Variants in CADPS observed in about 807,000 individuals in gnomAD.
CADPS encodes the protein calcium-dependent secretion activator 1.
A neutral mutation model predicts 167.3 loss-of-function variants in CADPS; 57 were observed. The observed-to-expected ratio is 0.34, with a 90% CI of 0.28 to 0.42. The LOEUF is 0.42. Among genes scored for constraint, CADPS ranks in the 20% least tolerant of loss-of-function variants. CADPS has a pLI of 1.00. For missense variants in CADPS, 1,414 were observed against 1,738.1 expected (o/e 0.81, Z 3.32); for synonymous variants, 676 against 635.3 (o/e 1.06, Z -0.96).
chr3:62,468,481 C>T (rs1004203582), intron 24 of CADPS, among the ~76,000 whole-genome samples: 5 of 152,160 alleles, frequency 3.3e-5, no homozygotes, highest in African/African-American at 1.2e-4. Context: ...GTTCTCCACA[C>T]ACCAACAAAG....
intron 9 of CADPS, among the ~76,000 whole-genome samples, chr3:62,558,470 G>A (rs1041922041): frequency 1.3e-5 from 2 of 152,206 alleles, no homozygotes; most frequent in Non-Finnish European, 2.9e-5. Context: ...TACTATCCAC[G>A]GATGTCAAAT....
chr3:62,845,200 G>A (rs1200063750), intron 1 of CADPS, among the ~76,000 whole-genome samples: 2 of 152,134 alleles, frequency 1.3e-5, no homozygotes, highest in Non-Finnish European at 1.5e-5. Context: ...CAGATTTTCA[G>A]GCTCTGTCAG....
intron 1 of CADPS, among the ~76,000 whole-genome samples, chr3:62,787,114 C>T (rs1002626477): frequency 2.0e-5 from 3 of 151,780 alleles, no homozygotes; most frequent in Admixed American, 1.3e-4. Flanking sequence ...AGCAATATGG[C>T]GAAAACCTGT....
intron 4 of CADPS, among the ~76,000 whole-genome samples, chr3:62,657,613 T>TA (rs1473990334): frequency 1.3e-5 from 2 of 152,160 alleles, no homozygotes; most frequent in Admixed American, 6.5e-5. Context: ...TACCAGATTT[T>TA]AAAAAATGCA....
At chr3:62,820,694 T>C (rs2094862912) in intron 1 of CADPS, among the ~76,000 whole-genome samples, 1 of 152,172 alleles carries the variant, frequency 6.6e-6, no homozygotes, top group Non-Finnish European at 1.5e-5. Flanking sequence ...ACTTTTCAGC[T>C]TCAAGGCATT....
chr3:62,712,315 C>A (rs550989500), intron 3 of CADPS, among the ~76,000 whole-genome samples: 1 of 152,274 alleles, frequency 6.6e-6, no homozygotes, highest in Admixed American at 6.5e-5. Flanking sequence ...CTATTCCCCC[C>A]AGCAAGGTGT....
Position 62,478,061 on chromosome 3 carries a change from A to T in CADPS, c.3329+200T>A, listed in dbSNP as rs570206861. ...CCATGAAAAAATTGGCAGCCAGATT[A>T]TTTTGGGTTTGGGACAGATGGAGGG... On this transcript the variant is annotated intron_variant, in intron 23 of 29. Transcript: ENST00000383710. This position sits in a 1 kb window ranked among gnomAD's most constrained non-coding sequence, Gnocchi z 5.7. 2.5e-4 allele frequency: 139 copies of T among 545,702 alleles called. No homozygotes were observed. Among genetic ancestry groups the T allele is most frequent in the African/African-American group, 2.4e-3 (131 of 53,572 alleles). 33.8% of individuals were successfully genotyped at this position (545,702 alleles called of 1,614,324 possible). A position where few individuals can be genotyped will look rare whatever the true frequency, so the allele number is the denominator to read the frequency against.
chr3:62,741,573 T>A (rs781329421), intron 3 of CADPS, among the ~76,000 whole-genome samples: 16 of 152,054 alleles, frequency 1.1e-4, no homozygotes, highest in Non-Finnish European at 2.1e-4. Context: ...AAATCCAACA[T>A]CCATTCATGT....
intron 4 of CADPS, among the ~76,000 whole-genome samples, chr3:62,659,116 T>C (rs2072504115): frequency 6.6e-6 from 1 of 152,114 alleles, no homozygotes; most frequent in Admixed American, 6.5e-5. Flanking sequence ...ACGGAGTGAG[T>C]TACATATGAT....
chr3:62,573,201 C>A (rs1045136049), intron 8 of CADPS, among the ~76,000 whole-genome samples: 2 of 152,164 alleles, frequency 1.3e-5, no homozygotes, highest in Admixed American at 6.6e-5. Flanking sequence ...TACATTAAAT[C>A]TTCCCTAGAG....
At chr3:62,542,176 G>A (rs1027124055) in intron 11 of CADPS, among the ~76,000 whole-genome samples, 1 of 152,120 alleles carries the variant, frequency 6.6e-6, no homozygotes, top group Non-Finnish European at 1.5e-5. Context: ...ATAAGCTAGA[G>A]GTAGCTGTTT....
chr3:62,540,789 G>A (rs1483091108), intron 11 of CADPS, among the ~76,000 whole-genome samples: 1 of 152,100 alleles, frequency 6.6e-6, no homozygotes, highest in Non-Finnish European at 1.5e-5. Flanking sequence ...GTCCCGGTCT[G>A]TTCTTCCACA....
At chr3:62,782,263 C>G (rs888426148) in intron 1 of CADPS, among the ~76,000 whole-genome samples, 1 of 152,146 alleles carries the variant, frequency 6.6e-6, no homozygotes, top group Non-Finnish European at 1.5e-5. Context: ...ACTTACTGTT[C>G]AAATTTCAGA....
At chr3:62,831,848 A>G (rs1014813056) in intron 1 of CADPS, among the ~76,000 whole-genome samples, 1 of 152,194 alleles carries the variant, frequency 6.6e-6, no homozygotes, top group Non-Finnish European at 1.5e-5. Flanking sequence ...ATTAAACCGT[A>G]GTACCACACC....
intron 1 of CADPS, among the ~76,000 whole-genome samples, chr3:62,810,835 C>T (rs1033922257): frequency 4.6e-5 from 7 of 152,224 alleles, no homozygotes; most frequent in Non-Finnish European, 8.8e-5. Flanking sequence ...ATTGTGAGGG[C>T]GCAGGGCTCT....
intron 1 of CADPS, among the ~76,000 whole-genome samples, chr3:62,842,801 A>T (rs1242618399): frequency 6.6e-6 from 1 of 152,200 alleles, no homozygotes; most frequent in Non-Finnish European, 1.5e-5. Flanking sequence ...CTCTCTAGAC[A>T]TGCTGAATGA....
At chr3:62,592,184 A>G (rs1359960737) in intron 7 of CADPS, among the ~76,000 whole-genome samples, 1 of 151,944 alleles carries the variant, frequency 6.6e-6, no homozygotes, top group Non-Finnish European at 1.5e-5. Flanking sequence ...CAAGCAAAGC[A>G]CTCCTCTATT....
At chr3:62,685,009 T>G (rs2077753971) in intron 3 of CADPS, among the ~76,000 whole-genome samples, 1 of 146,896 alleles carries the variant, frequency 6.8e-6, no homozygotes, top group Admixed American at 7.1e-5. Context: ...TCCCTGAACT[T>G]ATAGCTCACA....
At position 62,837,209 on chromosome 3, in the gene CADPS, C is replaced by T. The variant is rs55817423; in HGVS notation, c.441+37380G>A. The stretch of plus-strand genomic sequence containing the variant: ...AGGTGATGTTTGTATTCCCATCTTA[C>T]ATAAGGAAACTGAAGCTCAGTGAAG... On this transcript the variant is annotated intron_variant, in intron 1 of 29. Transcript: ENST00000383710. 6.8e-3 allele frequency among the ~76,000 whole-genome samples: 1,031 copies of T among 152,300 alleles called. 13 individuals are homozygous for T. The highest frequency in any genetic ancestry group is 0.023 in the African/African-American group (975 of 41,560).
Sources: gnomAD v4.1 joint callset for allele counts (sites outside exome capture counted in the v4.1 genomes callset) on GRCh38, gnomAD v4.1.1 for gene constraint, Gnocchi (gnomAD v3.1) non-coding constraint, MANE v1.5 for transcripts, NCBI Gene and HGNC (gene_info 2026-07-23, HGNC 2026-07-21) for gene names.